The following CELF2 variants were observed in gnomAD, a reference collection of about 807,000 sequenced individuals.
The protein encoded by CELF2 is CUG triplet repeat RNA-binding protein 2.
A neutral mutation model predicts 62.6 loss-of-function variants in CELF2; 8 were observed. That is an observed-to-expected ratio of 0.13 (90% CI 0.07 to 0.23). The LOEUF is 0.23. Ranked by LOEUF, CELF2 falls within the 10% of genes least tolerant of loss-of-function variation. CELF2 has a pLI of 1.00. For missense variants in CELF2, 333 were observed against 671.0 expected, an observed-to-expected ratio of 0.50 and a Z score of 5.56; for synonymous variants, 258 against 250.0, an observed-to-expected ratio of 1.03 and a Z score of -0.30.
At chr10:11,187,092 T>C (rs2075143884) in intron 2 of CELF2, among the ~76,000 whole-genome samples, 1 of 152,246 alleles carries the variant, frequency 6.6e-6, no homozygotes, top group Non-Finnish European at 1.5e-5. Context: ...TCAGTATCTT[T>C]ACTGATTTTC....
At chr10:11,304,460 A>G (rs1425188061) in intron 9 of CELF2, among the ~76,000 whole-genome samples, 1 of 152,230 alleles carries the variant, frequency 6.6e-6, no homozygotes, top group Admixed American at 6.5e-5. Context: ...TATTTCTTAC[A>G]GCTCTGGAGA....
In CELF2 at chr10:11,187,797, A is replaced by G. The variant is rs1421935750; in HGVS notation, c.271+22115A>G. 2.6e-5 allele frequency among the ~76,000 whole-genome samples: 4 copies of G among 152,066 alleles called. No homozygotes were observed. The East Asian group carries it at 7.7e-4, about 29-fold the overall frequency. ...GACTTTATGCTGTTGCTGTTTTTAC[A>G]TTTTGCTTTTACATGTTAAAATACA... On this transcript the variant is annotated intron_variant, in intron 2 of 12. Transcript: ENST00000633077.
At chr10:11,025,207 A>ATGTGTGTGTGTG (rs372783836) in intron 1 of CELF2, among the ~76,000 whole-genome samples, 18 of 141,250 alleles carry the variant, frequency 1.3e-4, no homozygotes, top group African/African-American at 4.2e-4. Flanking sequence ...ATATACATAT[A>ATGTGTGTGTGTG]TGTGTGTGTG....
intron 1 of CELF2, among the ~76,000 whole-genome samples, chr10:11,048,882 T>A (rs1157666493): frequency 3.9e-5 from 6 of 152,196 alleles, no homozygotes; most frequent in Admixed American, 1.3e-4. Flanking sequence ...AATACCTAAT[T>A]TAAATGAGTG....
chr10:10,528,697 A>C, the CELF2 span, among the ~76,000 whole-genome samples: 1 of 152,198 alleles, frequency 6.6e-6, no homozygotes, highest in Non-Finnish European at 1.5e-5. Context: ...GTGTCATTGC[A>C]TGCAGCAATA....
the CELF2 span, among the ~76,000 whole-genome samples, chr10:10,723,780 G>C: frequency 6.6e-6 from 1 of 152,160 alleles, no homozygotes; most frequent in African/African-American, 2.4e-5. Flanking sequence ...TGTATTCCGT[G>C]AACAGCCAAT....
chr10:11,231,280 A>T (rs1383339903), intron 3 of CELF2, among the ~76,000 whole-genome samples: 1 of 152,250 alleles, frequency 6.6e-6, no homozygotes, highest in Non-Finnish European at 1.5e-5. Context: ...GGACAAAATC[A>T]TTTGTTGCTG....
At position 11,147,572 on chromosome 10, in the gene CELF2, T is replaced by G. The variant is rs146588504; in HGVS notation, c.75-17914T>G. On this transcript the variant is annotated intron_variant, in intron 1 of 12. Coordinates refer to ENST00000633077, the MANE Select transcript of CELF2 (RefSeq NM_001326342.2). ...CCCATAAGCTTTTTGGAGTGTGGCTTTTATGCATATAAACCAGGATGCCTT... is the reference window on the plus strand; with the variant it reads ...CCCATAAGCTTTTTGGAGTGTGGCTGTTATGCATATAAACCAGGATGCCTT... 8.5e-3 allele frequency among the ~76,000 whole-genome samples: 1,290 copies of G among 152,320 alleles called. 7 individuals carry two copies. Among genetic ancestry groups the G allele is most frequent in the Admixed American group, 0.019 (288 of 15,306 alleles).
chr10:10,792,778 G>A, the CELF2 span, among the ~76,000 whole-genome samples: 1 of 152,188 alleles, frequency 6.6e-6, no homozygotes, highest in Admixed American at 6.5e-5. Context: ...TCCCATGGCA[G>A]TATAGGAGTT....
chr10:10,700,912 G>A, the CELF2 span, among the ~76,000 whole-genome samples: 1 of 152,094 alleles, frequency 6.6e-6, no homozygotes, highest in African/African-American at 2.4e-5. Context: ...AGAGTTTAAG[G>A]GAGATTGGAG....
At chr10:11,286,414 A>G (rs759421597) in intron 8 of CELF2, among the ~76,000 whole-genome samples, 1 of 152,242 alleles carries the variant, frequency 6.6e-6, no homozygotes, top group African/African-American at 2.4e-5. Flanking sequence ...CGTTAGAGGA[A>G]GCACACATCA....
intron 5 of CELF2, among the ~76,000 whole-genome samples, chr10:11,265,000 G>A (rs923102492): frequency 6.6e-6 from 1 of 152,218 alleles, no homozygotes; most frequent in Non-Finnish European, 1.5e-5. Flanking sequence ...AACAAAAAAT[G>A]CATTGACTTA....
upstream of CELF2, among the ~76,000 whole-genome samples, chr10:11,017,632 C>G (rs2057440080): frequency 6.6e-6 from 1 of 152,156 alleles, no homozygotes; most frequent in Non-Finnish European, 1.5e-5. This position sits in a 1 kb window ranked among gnomAD's most constrained non-coding sequence, Gnocchi z 5.5. Flanking sequence ...TGGCCCTAAA[C>G]CTACTCCGAG....
the CELF2 span, among the ~76,000 whole-genome samples, chr10:10,751,667 C>A: frequency 2.6e-5 from 4 of 152,130 alleles, no homozygotes; most frequent in Non-Finnish European, 2.9e-5. Flanking sequence ...AGCTTTTGTT[C>A]ATTGCTAACC....
At chr10:10,509,962 T>A in the CELF2 span, among the ~76,000 whole-genome samples, 1 of 152,194 alleles carries the variant, frequency 6.6e-6, no homozygotes. Context: ...ACTTGAATTG[T>A]GCTCTTTCTA....
At chr10:11,092,040 T>C (rs1018333861) in intron 1 of CELF2, among the ~76,000 whole-genome samples, 2 of 150,520 alleles carry the variant, frequency 1.3e-5, no homozygotes, top group Non-Finnish European at 3.0e-5. Context: ...CAACTAGACA[T>C]ACATCTAGAA....
the CELF2 span, among the ~76,000 whole-genome samples, chr10:10,723,609 T>A: frequency 1.3e-5 from 2 of 152,142 alleles, no homozygotes; most frequent in African/African-American, 4.8e-5. Flanking sequence ...AGTTCCTCAT[T>A]TTTTTTAAAG....
chr10:10,944,963 G>T (rs553824604), intron 2 of CELF2, among the ~76,000 whole-genome samples: 1 of 152,142 alleles, frequency 6.6e-6, no homozygotes, highest in Admixed American at 6.5e-5. Flanking sequence ...CATCAGGAGA[G>T]GGGAGAAGGG....
At chr10:11,221,253 C>T (rs1344941442) in intron 3 of CELF2, among the ~76,000 whole-genome samples, 2 of 152,162 alleles carry the variant, frequency 1.3e-5, no homozygotes, top group Non-Finnish European at 2.9e-5. Flanking sequence ...GATAGCATCC[C>T]TTCTTGAGGG....
Sources: allele counts gnomAD v4.1 joint callset (sites outside exome capture counted in the v4.1 genomes callset), GRCh38; gene constraint gnomAD v4.1.1; non-coding constraint Gnocchi (gnomAD v3.1); transcripts MANE v1.5; gene names NCBI Gene and HGNC (gene_info 2026-07-23, HGNC 2026-07-21).